The following ABCA3 variants were observed in gnomAD, a reference collection of about 807,000 sequenced individuals.
ABCA3 encodes phospholipid-transporting ATPase ABCA3.
ABCA3 carries 88 observed loss-of-function variants against 172.8 expected under a neutral mutation model. That is an observed-to-expected ratio of 0.51 (90% CI 0.43 to 0.61). The LOEUF is 0.61. ABCA3 is among the 20% of genes least tolerant of loss of function. The probability of loss-of-function intolerance (pLI) is 0.00; values close to 1 mark genes in which losing one functional copy is unlikely to be tolerated. For missense variants in ABCA3, 2,164 were observed against 2,301.0 expected, an observed-to-expected ratio of 0.94 and a Z score of 1.22; for synonymous variants, 1,066 against 983.8, an observed-to-expected ratio of 1.08 and a Z score of -1.56.
chr16:2,284,150 G>T lies in ABCA3; in HGVS notation c.3862+129C>A. ...GCTGCTGTGGGAGGTGGGGCAAGGC[G>T]GTACAGAGGAACGCACCAGCCCCAG... On this transcript the variant is annotated intron_variant, in intron 25 of 32. Coordinates refer to ENST00000301732, the MANE Select transcript of ABCA3 (RefSeq NM_001089.3). This position sits in a 1 kb window ranked among gnomAD's most constrained non-coding sequence, Gnocchi z 5.9. The T allele has an allele frequency of 2.5e-6, 3 of 1,206,692 alleles. No homozygotes were observed. The highest frequency in any genetic ancestry group is 3.4e-6 in the Non-Finnish European group (3 of 879,552). The allele number at this position is 1,206,692 out of a possible 1,614,324, so 74.7% of individuals were successfully genotyped here. A position where few individuals can be genotyped will look rare whatever the true frequency, so the allele number is the denominator to read the frequency against.
At chr16:2,316,895 A>G (rs950774477) in intron 10 of ABCA3, among the ~76,000 whole-genome samples, 6 of 152,234 alleles carry the variant, frequency 3.9e-5, no homozygotes, top group African/African-American at 1.4e-4. Context: ...GAAGGCCAAC[A>G]GAAGGCAGGA....
chr16:2,308,291 G>A (rs2093700926), intron 11 of ABCA3, among the ~76,000 whole-genome samples, 159 bp downstream of exon 11: 1 of 152,198 alleles, frequency 6.6e-6, no homozygotes, highest in South Asian at 2.1e-4. Flanking sequence ...CAGCTATCCA[G>A]CCCACACTCA....
In ABCA3 at chr16:2,278,040, C is replaced by G. The variant is rs763078860; in HGVS notation, c.4748G>C (p.Arg1583Pro). 6.2e-7 allele frequency: 1 copy of G among 1,613,426 alleles called. No individual in the cohort carries two copies. Among genetic ancestry groups the G allele is most frequent in the Non-Finnish European group, 8.5e-7 (1 of 1,180,020 alleles). Residue 1583 changes from arginine to proline, a missense_variant, in exon 31 of 33, where the codon CGG becomes CCG. By Grantham distance (103) the Arg-to-Pro change is moderately radical. Transcript: ENST00000301732. The surrounding 1 kb of genome is among the most constrained non-coding windows in gnomAD (Gnocchi z 4.4). ...CTGCCCCTGCACCATGATGGCCAGC[C>G]GGGTGCACAGGGCCTCACACTCCTC... is the stretch of plus-strand genomic sequence containing the variant. The part of the protein sequence containing the change: ...SMEECEALCT[R>P]LAIMVQGQFK...
chr16:2,287,488 G>A lies in ABCA3; in HGVS notation c.3005-521C>T, dbSNP rs924092065. 6.6e-6 allele frequency among the ~76,000 whole-genome samples: 1 copy of A among 152,124 alleles called. No homozygotes were observed. The highest frequency in any genetic ancestry group is 2.4e-5 in the African/African-American group (1 of 41,414). On this transcript the variant is annotated intron_variant, in intron 21 of 32. Coordinates refer to ENST00000301732, the MANE Select transcript of ABCA3 (RefSeq NM_001089.3). The surrounding 1 kb of genome is among the most constrained non-coding windows in gnomAD (Gnocchi z 4.1). Reference sequence around the variant, plus strand: ...AGACAGAGTTTTGCCATGTTGACCAGGCTGGTCTCGAACTCCTGACCTCAA... The same window carrying A: ...AGACAGAGTTTTGCCATGTTGACCAAGCTGGTCTCGAACTCCTGACCTCAA...
In ABCA3 at chr16:2,281,458, C is replaced by G. The variant is rs985832684; in HGVS notation, c.4087G>C (p.Asp1363His). 1.9e-6 allele frequency: 3 copies of G among 1,613,562 alleles called. No homozygotes were observed. The African/African-American group carries it at 4.0e-5, about 22-fold the overall frequency. Reference sequence around the variant, plus strand: ...GGGGCCAGGATGCGGGTCCTCTCGTCCGCTACATCTTGGTCCTCAGGAAGC... The same window carrying G: ...GGGGCCAGGATGCGGGTCCTCTCGTGCGCTACATCTTGGTCCTCAGGAAGC... ...PVLPEDQDVA[D>H]ERTRILAPSP... The change falls in exon 27 of 33, where the codon GAC (aspartate) becomes CAC (histidine). Residue 1363 changes from aspartate to histidine, a missense_variant. Physicochemically the swap from Asp to His is moderately conservative, Grantham distance 81. Around this residue, in one of 3 missense-constraint regions of ABCA3, gnomAD observed 795 missense variants for 881.9 expected, o/e 0.90. Coordinates refer to ENST00000301732, the MANE Select transcript of ABCA3 (RefSeq NM_001089.3). The surrounding 1 kb of genome is among the most constrained non-coding windows in gnomAD (Gnocchi z 4.7).
rs78286222 is a variant in ABCA3 at position 2,326,475 on chromosome 16, T to G, written c.-9A>C. ...TGCCTGAGCACAGCCATCGTCTTGC[T>G]GAAAGGGACGCCCAGTGCTAGTTAC... On this transcript the variant is annotated 5_prime_UTR_variant, in exon 4 of 33. Coordinates refer to ENST00000301732, the MANE Select transcript of ABCA3 (RefSeq NM_001089.3). The G allele has an allele frequency of 6.2e-7, 1 of 1,608,994 alleles. No homozygotes were observed. The highest frequency in any genetic ancestry group is 1.3e-5 in the African/African-American group (1 of 74,926).
intron 10 of ABCA3, among the ~76,000 whole-genome samples, chr16:2,314,892 T>C (rs2093712445): frequency 6.8e-6 from 1 of 146,356 alleles, no homozygotes. Context: ...TTTTTTTTTT[T>C]TTTTGAGACA....
chr16:2,295,776 A>G, intron 17 of ABCA3, 36 bp from the exon 18 acceptor site: 1 of 1,613,114 alleles, frequency 6.2e-7, no homozygotes, highest in Non-Finnish European at 8.5e-7. Flanking sequence ...TCTTTGGCTG[A>G]TCCCCCAGGT....
chr16:2,304,197 G>T (rs761211537), intron 11 of ABCA3, 47 bp from the exon 12 acceptor site: 1 of 1,611,460 alleles, frequency 6.2e-7, no homozygotes, highest in African/African-American at 1.3e-5. Flanking sequence ...CAGGCTGGGG[G>T]GCCCAGGGAC....
Position 2,278,180 on chromosome 16 carries a change from C to T in ABCA3, c.4718+108G>A. 6.3e-7 allele frequency: 1 copy of T among 1,596,164 alleles called. No individual in the cohort carries two copies. The highest frequency in any genetic ancestry group is 1.7e-5 in the Admixed American group (1 of 59,780). On this transcript the variant is annotated intron_variant, in intron 30 of 32. Transcript: ENST00000301732. This position sits in a 1 kb window ranked among gnomAD's most constrained non-coding sequence, Gnocchi z 4.4. ...TTCCTGATACCCATGCTCAGTGTGG[C>T]TCACGGGCAGACTCTGCACCAGATG...
chr16:2,289,653 C>A, intron 19 of ABCA3, 33 bp from the exon 20 acceptor site: 1 of 1,543,254 alleles, frequency 6.5e-7, no homozygotes, highest in Non-Finnish European at 8.7e-7. Context: ...CGGTCAGGAC[C>A]CAGCTCCCCG....
In ABCA3 at chr16:2,287,114, G is replaced by T; in HGVS notation, c.3005-147C>A. 1 of 921,524 alleles carries T rather than the reference G, an allele frequency of 1.1e-6. No individual in the cohort carries two copies. The highest frequency in any genetic ancestry group is 1.6e-6 in the Non-Finnish European group (1 of 621,386). The allele number at this position is 921,524 out of a possible 1,614,324, so 57.1% of individuals were successfully genotyped here. A position where few individuals can be genotyped will look rare whatever the true frequency, so the allele number is the denominator to read the frequency against. On this transcript the variant is annotated intron_variant, in intron 21 of 32. Transcript: ENST00000301732. This position sits in a 1 kb window ranked among gnomAD's most constrained non-coding sequence, Gnocchi z 4.1. ...CCCCATCACCCTTCTCCTAAGGAGA[G>T]TATAATTTCTGGCAAGGTTTTGTCA... is the stretch of plus-strand genomic sequence containing the variant.
intron 10 of ABCA3, among the ~76,000 whole-genome samples, chr16:2,315,177 C>A (rs1270552533): frequency 6.7e-6 from 1 of 148,870 alleles, no homozygotes; most frequent in Non-Finnish European, 1.5e-5. Context: ...GCCATGGTGC[C>A]CGGTCATAAA....
At position 2,326,506 on chromosome 16, in the gene ABCA3, A is replaced by T; in HGVS notation, c.-26-14T>A. The T allele has an allele frequency of 6.3e-7, 1 of 1,590,814 alleles. No individual in the cohort carries two copies. The highest frequency in any genetic ancestry group is 1.1e-5 in the South Asian group (1 of 87,942). On this transcript the variant is annotated splice_polypyrimidine_tract_variant and intron_variant, in intron 3 of 32. Coordinates refer to ENST00000301732, the MANE Select transcript of ABCA3 (RefSeq NM_001089.3). Reference sequence around the variant, plus strand: ...GGACGCCCAGTGCTAGTTACAGACCAAAGACAGAGAGTGTGGGTGCGCAAT... The same window carrying T: ...GGACGCCCAGTGCTAGTTACAGACCTAAGACAGAGAGTGTGGGTGCGCAAT...
chr16:2,319,219 C>G (rs945190031), intron 8 of ABCA3, among the ~76,000 whole-genome samples: 3 of 152,140 alleles, frequency 2.0e-5, no homozygotes, highest in Admixed American at 1.3e-4. Flanking sequence ...GGCACGGTGG[C>G]TCACGCCTGT....
At position 2,276,699 on chromosome 16, in the gene ABCA3, G is replaced by A. The variant is rs768718547; in HGVS notation, c.5090C>T (p.Pro1697Leu). ...QVFLSFAHLQ[P>L]PTAEEGR ...TCATCGCCCCTCCTCTGCGGTGGGC[G>A]GCTGCAGGTGGGCGAAGCTCAGGAA... is the stretch of plus-strand genomic sequence containing the variant. Residue 1697 changes from proline to leucine, a missense_variant, in exon 33 of 33, where the codon CCG (proline) becomes CTG (leucine). Around this residue, in one of 3 missense-constraint regions of ABCA3, gnomAD observed 795 missense variants for 881.9 expected, o/e 0.90. Transcript: ENST00000301732. 29 of 1,613,552 alleles carry A rather than the reference G, an allele frequency of 1.8e-5. No individual in the cohort carries two copies. The highest frequency in any genetic ancestry group is 2.7e-5 in the African/African-American group (2 of 74,948).
intron 1 of ABCA3, among the ~76,000 whole-genome samples, chr16:2,340,165 G>A (rs1013157148): frequency 6.6e-6 from 1 of 152,240 alleles, no homozygotes; most frequent in African/African-American, 2.4e-5. Context: ...CAAGTGCGCG[G>A]CGGACGCCTG....
chr16:2,293,841 G>A (rs577254985), intron 18 of ABCA3, among the ~76,000 whole-genome samples: 1 of 151,856 alleles, frequency 6.6e-6, no homozygotes, highest in Admixed American at 6.6e-5. Flanking sequence ...GCCTGGCCAT[G>A]TGGCTAATTT....
At chr16:2,303,875 C>T (rs2093693421) in intron 12 of ABCA3, 94 bp downstream of exon 12, 2 of 1,417,276 alleles carry the variant, frequency 1.4e-6, no homozygotes, top group Admixed American at 3.7e-5. Context: ...GCAGGTGCTG[C>T]ATGCTGGGGA....
Sources: allele counts gnomAD v4.1 joint callset (sites outside exome capture counted in the v4.1 genomes callset), GRCh38; gene constraint gnomAD v4.1.1; regional missense constraint gnomAD v4.1.1; non-coding constraint Gnocchi (gnomAD v3.1); transcripts MANE v1.5; gene names NCBI Gene and HGNC (gene_info 2026-07-23, HGNC 2026-07-21).